Variants in DMD observed in about 807,000 individuals in gnomAD.
DMD encodes mutant dystrophin.
DMD carries 63 observed loss-of-function variants against 330.1 expected under a neutral mutation model. The observed-to-expected ratio is 0.19, with a 90% CI of 0.16 to 0.24. The LOEUF (loss-of-function observed/expected upper bound fraction) is 0.24. DMD is among the 10% of genes least tolerant of loss of function. The probability of loss-of-function intolerance (pLI) is 1.00; values close to 1 mark genes in which losing one functional copy is unlikely to be tolerated. For missense variants in DMD, 3,344 were observed against 2,684.1 expected, an observed-to-expected ratio of 1.25 and a Z score of -5.43; for synonymous variants, 1,223 against 959.8, an observed-to-expected ratio of 1.27 and a Z score of -5.07.
chrX:32,067,907 T>G (rs2096270068), intron 44 of DMD, among the ~76,000 whole-genome samples: 1 of 111,832 alleles, frequency 8.9e-6, no homozygotes, highest in South Asian at 3.7e-4. Flanking sequence ...ATAGTTCTAT[T>G]TTAAGTTCTT....
chrX:31,872,780 T>C (rs746336518), intron 48 of DMD, among the ~76,000 whole-genome samples: 3 of 111,513 alleles, frequency 2.7e-5, no homozygotes, highest in Non-Finnish European at 3.8e-5. Context: ...CTAAGGTTAT[T>C]GTGTATTGGG....
intron 22 of DMD, among the ~76,000 whole-genome samples, chrX:32,471,201 C>T (rs1159604632): frequency 9.0e-6 from 1 of 111,402 alleles, no homozygotes; most frequent in Non-Finnish European, 1.9e-5. Flanking sequence ...TCACTTGAAC[C>T]CGGGAGGCGT....
intron 2 of DMD, among the ~76,000 whole-genome samples, chrX:33,014,532 C>T (rs1381408872): frequency 9.0e-6 from 1 of 111,319 alleles, no homozygotes; most frequent in Non-Finnish European, 1.9e-5. Context: ...CTAGTTGCTG[C>T]AGGAACAGAT....
At chrX:31,721,370 C>A (rs764576372) in intron 52 of DMD, among the ~76,000 whole-genome samples, 1 of 110,414 alleles carries the variant, frequency 9.1e-6, no homozygotes, top group East Asian at 2.9e-4. Context: ...GCAGATTACC[C>A]TCCACAATGT....
intron 41 of DMD, among the ~76,000 whole-genome samples, chrX:32,312,496 G>T (rs1301259910): frequency 2.7e-5 from 3 of 110,626 alleles, no homozygotes; most frequent in African/African-American, 6.5e-5. Context: ...TGAAGAAAAA[G>T]ACACTCAAAA....
intron 21 of DMD, among the ~76,000 whole-genome samples, chrX:32,482,145 C>T (rs1382081653): frequency 8.9e-6 from 1 of 111,818 alleles, no homozygotes; most frequent in African/African-American, 3.2e-5. Context: ...CTTTTTCCTT[C>T]TTTACATTAA....
chrX:31,363,498 G>A (rs760457677), intron 60 of DMD, among the ~76,000 whole-genome samples: 148 of 104,927 alleles, frequency 1.4e-3, no homozygotes, highest in Non-Finnish European at 2.7e-3. Flanking sequence ...CTCCTGCCTC[G>A]GCCTCCCCAG....
intron 57 of DMD, among the ~76,000 whole-genome samples, chrX:31,483,837 A>C (rs1225474728): frequency 8.9e-6 from 1 of 112,303 alleles, no homozygotes; most frequent in Non-Finnish European, 1.9e-5. Context: ...GAAAAACTAT[A>C]AATAACAATA....
At chrX:31,800,786 G>A (rs766023454) in intron 50 of DMD, among the ~76,000 whole-genome samples, 152 of 111,695 alleles carry the variant, frequency 1.4e-3, no homozygotes, top group African/African-American at 4.9e-3. Flanking sequence ...TAGGCCAGGG[G>A]AAAATGCTGC....
intron 74 of DMD, among the ~76,000 whole-genome samples, chrX:31,152,747 C>T (rs1337082764): frequency 4.5e-5 from 5 of 111,696 alleles, no homozygotes; most frequent in Non-Finnish European, 9.4e-5. Context: ...ACTACATTGC[C>T]CTGGCTAGTC....
chrX:32,938,788 T>A (rs2090191630), intron 2 of DMD, among the ~76,000 whole-genome samples: 1 of 111,412 alleles, frequency 9.0e-6, no homozygotes, highest in African/African-American at 3.3e-5. Flanking sequence ...AGTTCATAGA[T>A]CAAGTAATAA....
chrX:33,229,126 G>A (rs2052344127), intron 1 of DMD, among the ~76,000 whole-genome samples: 1 of 110,722 alleles, frequency 9.0e-6, no homozygotes, highest in African/African-American at 3.3e-5. Context: ...TTTTGCAACT[G>A]ATATGCAAAT....
At chrX:32,580,475 C>T (rs1272421981) in intron 13 of DMD, among the ~76,000 whole-genome samples, 1 of 111,893 alleles carries the variant, frequency 8.9e-6, no homozygotes. Context: ...TTAGTTTTCT[C>T]ACCAGTGAAA....
chrX:31,959,791 T>C lies in DMD; in HGVS notation c.6614+8548A>G, dbSNP rs1347347287. On this transcript the variant is annotated intron_variant, in intron 45 of 78. Coordinates refer to ENST00000357033, the MANE Select transcript of DMD (RefSeq NM_004006.3). ...GTGGTTTTTTTTTTTTTTTTTTTTT[T>C]CCTCACTCTGTCACCCAGGCTGGAG... 1.8e-3 allele frequency among the ~76,000 whole-genome samples: 167 copies of C among 93,473 alleles called. 1 individual carries two copies. Among genetic ancestry groups the C allele is most frequent in the African/African-American group, 6.1e-3 (160 of 26,192 alleles). The allele number at this position is 93,473 out of a possible 115,157, so 81.2% of individuals were successfully genotyped here. A position where few individuals can be genotyped will look rare whatever the true frequency, so the allele number is the denominator to read the frequency against.
At chrX:32,272,867 G>A (rs1488642038) in intron 43 of DMD, among the ~76,000 whole-genome samples, 2 of 111,616 alleles carry the variant, frequency 1.8e-5, no homozygotes, top group African/African-American at 6.5e-5. Flanking sequence ...TTAAACTTAG[G>A]TCCTTGTTTT....
At chrX:31,602,786 G>T (rs780427525) in intron 55 of DMD, among the ~76,000 whole-genome samples, 1 of 111,657 alleles carries the variant, frequency 9.0e-6, no homozygotes, top group Non-Finnish European at 1.9e-5. Flanking sequence ...TCGTCAGAGA[G>T]ATCCTGCTTT....
At chrX:33,164,573 C>A (rs892821861) in intron 1 of DMD, among the ~76,000 whole-genome samples, 2 of 112,207 alleles carry the variant, frequency 1.8e-5, no homozygotes, top group African/African-American at 6.5e-5. Context: ...ATTTCAGAGG[C>A]ATAAACTCAT....
intron 43 of DMD, among the ~76,000 whole-genome samples, chrX:32,222,815 T>C (rs1431930670): frequency 8.9e-6 from 1 of 112,222 alleles, no homozygotes; most frequent in Non-Finnish European, 1.9e-5. Context: ...AGTATTTAAA[T>C]AGGCAGTGTC....
chrX:32,793,130 A>G (rs1410294016), intron 7 of DMD, among the ~76,000 whole-genome samples: 7 of 112,353 alleles, frequency 6.2e-5, no homozygotes, highest in Non-Finnish European at 1.3e-4. Context: ...GAAATAACAA[A>G]AAGAGAAACT....
Sources: allele counts gnomAD v4.1 joint callset (sites outside exome capture counted in the v4.1 genomes callset), GRCh38; gene constraint gnomAD v4.1.1; transcripts MANE v1.5; gene names NCBI Gene and HGNC (gene_info 2026-07-23, HGNC 2026-07-21).